TUFT1: variants seen among roughly 807,000 people sequenced by gnomAD.
TUFT1 encodes the protein tuftelin.
TUFT1 carries 43 observed loss-of-function variants against 57.8 expected under a neutral mutation model. The observed-to-expected ratio is 0.74, with a 90% CI of 0.58 to 0.96. The LOEUF (loss-of-function observed/expected upper bound fraction) is 0.96, where lower values mean the gene tolerates loss of function less well. Among genes scored for constraint, TUFT1 ranks in the 40% least tolerant of loss-of-function variants. The pLI is 0.00. For missense variants in TUFT1, 459 were observed against 489.0 expected (o/e 0.94, Z 0.58); for synonymous variants, 166 against 176.7 (o/e 0.94, Z 0.48).
At chr1:151,549,961 A>G (rs1024077416) in intron 1 of TUFT1, among the ~76,000 whole-genome samples, 1 of 152,200 alleles carries the variant, frequency 6.6e-6, no homozygotes. Flanking sequence ...GACTCAGGTG[A>G]TCTGCCCTCC....
intron 6 of TUFT1, among the ~76,000 whole-genome samples, chr1:151,569,007 G>T (rs776659546): frequency 2.6e-5 from 4 of 152,174 alleles, no homozygotes; most frequent in Non-Finnish European, 5.9e-5. Flanking sequence ...ACGGGGGTGA[G>T]ACCCTACATG....
At position 151,542,390 on chromosome 1, in the gene TUFT1, ATT is replaced by A. The variant is rs11432264; in HGVS notation, c.60+1979_60+1980del. Among the ~76,000 whole-genome samples the A allele has an allele frequency of 3.1e-3, 431 of 139,096 alleles. 1 individual carries two copies. The highest frequency in any genetic ancestry group is 0.011 in the African/African-American group (408 of 37,602). 91.3% of individuals were successfully genotyped at this position (139,096 alleles called of 152,430 possible). On this transcript the variant is annotated intron_variant, in intron 1 of 12. Transcript: ENST00000368849. ...GCACATGCCACCACACCTGACTAAA[ATT>A]TTTTTTTTTTTTTTCTGTTGGTAGA... is the stretch of plus-strand genomic sequence containing the variant.
In TUFT1 at chr1:151,582,804, A is replaced by AC. The variant is rs1666682823; in HGVS notation, c.*1097_*1098insC. On this transcript the variant is annotated 3_prime_UTR_variant, in exon 13 of 13. Coordinates refer to ENST00000368849, the MANE Select transcript of TUFT1 (RefSeq NM_020127.3). ...GGGTCAGAGTATATGTTGTTTGGAG[A>AC]AAGAGGGCAATCAGGACTCTTCTGG... 1 of 152,372 alleles carries AC rather than the reference A, an allele frequency of 6.6e-6. No individual in the cohort carries two copies. The highest frequency in any genetic ancestry group is 2.4e-5 in the African/African-American group (1 of 41,398). 9.4% of individuals were successfully genotyped at this position (152,372 alleles called of 1,614,324 possible).
intron 9 of TUFT1, 145 bp downstream of exon 9, chr1:151,575,150 T>A: frequency 2.8e-6 from 2 of 726,958 alleles, no homozygotes; most frequent in Non-Finnish European, 4.6e-6. Context: ...CACCGTGAGC[T>A]TGCTCAGGGT....
At chr1:151,574,865 C>G (rs769858303) in intron 8 of TUFT1, 46 bp from the exon 9 acceptor site, 1 of 1,500,504 alleles carries the variant, frequency 6.7e-7, no homozygotes, top group South Asian at 1.2e-5. Flanking sequence ...AACGCAGAAA[C>G]TGTTGCCATC....
chr1:151,557,587 A>G (rs1665747103), intron 1 of TUFT1: 2 of 1,102,736 alleles, frequency 1.8e-6, no homozygotes, highest in Non-Finnish European at 2.8e-6. Flanking sequence ...CATGAAGGCC[A>G]TGCAGCCTCT....
intron 6 of TUFT1, among the ~76,000 whole-genome samples, chr1:151,569,118 G>A (rs1163280838): frequency 2.0e-5 from 3 of 152,136 alleles, no homozygotes; most frequent in African/African-American, 7.2e-5. Context: ...TCAGATTCGT[G>A]GACTCATTGC....
At chr1:151,553,999 A>G (rs776350304) in intron 1 of TUFT1, among the ~76,000 whole-genome samples, 5 of 150,280 alleles carry the variant, frequency 3.3e-5, no homozygotes, top group Non-Finnish European at 5.9e-5. Context: ...CTGTTTTTCT[A>G]TTGGGCTGCA....
At chr1:151,552,735 G>T (rs549407842) in intron 1 of TUFT1, among the ~76,000 whole-genome samples, 1 of 97,694 alleles carries the variant, frequency 1.0e-5, no homozygotes, top group South Asian at 3.9e-4. Context: ...AAAAAAAAAG[G>T]CATACAGATT....
chr1:151,549,753 C>G (rs1168384160), intron 1 of TUFT1, among the ~76,000 whole-genome samples: 1 of 152,200 alleles, frequency 6.6e-6, no homozygotes, highest in Non-Finnish European at 1.5e-5. Context: ...AACAGAGTCT[C>G]GCTCTGTCAC....
chr1:151,563,764 C>A, intron 3 of TUFT1, 140 bp from the exon 4 acceptor site: 1 of 711,204 alleles, frequency 1.4e-6, no homozygotes, highest in Non-Finnish European at 2.5e-6. Context: ...ATTTTTAGGT[C>A]TTCTGATCCG....
In TUFT1 at chr1:151,574,953, GC is replaced by G; in HGVS notation, c.769del (p.Leu257Ter). 6.3e-7 allele frequency: 1 copy of G among 1,578,012 alleles called. No homozygotes were observed. Among genetic ancestry groups the G allele is most frequent in the South Asian group, 1.2e-5 (1 of 85,738 alleles). On this transcript the variant is annotated frameshift_variant, in exon 9 of 13. Coordinates refer to ENST00000368849, the MANE Select transcript of TUFT1 (RefSeq NM_020127.3). LOFTEE classifies it high-confidence loss of function. The stretch of plus-strand genomic sequence containing the variant: ...GGCGAAAGTGAGGGAAGGGGAGGTG[GC>G]CCTAGAGGAACTTCGGAGCAACAAT... ...LLAKVREGEV[A>X]LEELRSNNAD...
At chr1:151,563,226 TTC>T (rs536824321) in intron 3 of TUFT1, among the ~76,000 whole-genome samples, 71 of 152,130 alleles carry the variant, frequency 4.7e-4, no homozygotes, top group Admixed American at 1.1e-3. Context: ...TTTTTGTTAT[TTC>T]TCTCTCTCTT....
intron 3 of TUFT1, 36 bp downstream of exon 3, chr1:151,562,722 C>T: frequency 6.5e-7 from 1 of 1,541,542 alleles, no homozygotes; most frequent in East Asian, 2.2e-5. Context: ...TCTCCCTGTC[C>T]TCTTCCTCCC....
chr1:151,569,820 A>T, intron 7 of TUFT1, 50 bp downstream of exon 7: 1 of 1,414,574 alleles, frequency 7.1e-7, no homozygotes, highest in Non-Finnish European at 1.0e-6. Flanking sequence ...GGGCTACTGA[A>T]CACAGGTGCC....
At chr1:151,558,267 A>G (rs1447426252) in intron 1 of TUFT1, among the ~76,000 whole-genome samples, 1 of 151,780 alleles carries the variant, frequency 6.6e-6, no homozygotes, top group African/African-American at 2.4e-5. Context: ...TCAATTCTGA[A>G]TTGACCGTTC....
At chr1:151,541,227 A>G (rs1665155761) in intron 1 of TUFT1, among the ~76,000 whole-genome samples, 1 of 152,108 alleles carries the variant, frequency 6.6e-6, no homozygotes, top group Non-Finnish European at 1.5e-5. Flanking sequence ...ACCCAAGCGA[A>G]GGCTTCTGGA....
At chr1:151,566,814 G>T (rs574263973) in intron 6 of TUFT1, among the ~76,000 whole-genome samples, 1 of 151,782 alleles carries the variant, frequency 6.6e-6, no homozygotes, top group African/African-American at 2.4e-5. Context: ...TAACTAAAGA[G>T]TATATTATAA....
At chr1:151,565,192 G>A (rs548971404) in intron 5 of TUFT1, among the ~76,000 whole-genome samples, 2 of 152,342 alleles carry the variant, frequency 1.3e-5, no homozygotes, top group Admixed American at 6.5e-5. Flanking sequence ...GAAGGCATCA[G>A]TAAATGTTTG....
Sources: allele counts gnomAD v4.1 joint callset (sites outside exome capture counted in the v4.1 genomes callset), GRCh38; gene constraint gnomAD v4.1.1; transcripts MANE v1.5; gene names NCBI Gene and HGNC (gene_info 2026-07-23, HGNC 2026-07-21).